The following ATXN8OS variants were observed in gnomAD, a reference collection of about 807,000 sequenced individuals.
The protein encoded by ATXN8OS is ATXN8 opposite strand lncRNA.
rs140810340 is a variant in ATXN8OS at position 70,158,375 on chromosome 13, G to C, written n.573+10947G>C. ...GGAGCTTGCAATGAGCCAAGATTAC[G>C]CCACTGCACTCCAGCCTGGGCGACA... On this transcript the variant is annotated intron_variant and non_coding_transcript_variant, in intron 4 of 4. Coordinates refer to ENST00000678624, the Ensembl canonical transcript of ATXN8OS. Among the ~76,000 whole-genome samples, 1,232 of 152,264 alleles carry C rather than the reference G, an allele frequency of 8.1e-3. 15 individuals carry two copies. Among genetic ancestry groups the C allele is most frequent in the African/African-American group, 0.027 (1,112 of 41,558 alleles).
rs182053590 is a variant in ATXN8OS, at chr13:70,123,213, T to C, written n.399-6571T>C. On this transcript the variant is annotated intron_variant and non_coding_transcript_variant, in intron 2 of 4. Coordinates refer to ENST00000678624, the Ensembl canonical transcript of ATXN8OS. ...TATTACTGAAGTTTAAATATTGAAATAATTTACTGATGCCCATAAGTTGTA... is the reference window on the plus strand; with the variant it reads ...TATTACTGAAGTTTAAATATTGAAACAATTTACTGATGCCCATAAGTTGTA... Among the ~76,000 whole-genome samples the C allele has an allele frequency of 2.7e-4, 41 of 152,222 alleles. 1 individual carries two copies. Among genetic ancestry groups the C allele is most frequent in the Admixed American group, 2.2e-3 (33 of 15,264 alleles).
At chr13:70,147,389 T>A (rs1018772439) in exon 4 of ATXN8OS, among the ~76,000 whole-genome samples, 6 of 152,128 alleles carry the variant, frequency 3.9e-5, no homozygotes, top group African/African-American at 1.4e-4. Context: ...GGAGCTTAAA[T>A]CTGTTGAAAC....
intron 3 of ATXN8OS, chr13:70,131,163 T>A: frequency 2.5e-6 from 1 of 398,490 alleles, no homozygotes; most frequent in Non-Finnish European, 4.4e-6. Context: ...AATGGTGTCC[T>A]AAGGAAAGTC....
rs552395302 is a variant in ATXN8OS at position 70,139,407 on chromosome 13, G to A, written n.500-7948G>A. ...TACTGCTGCTGCTGCTGCTGCTGCT[G>A]CTGCTGCTGCTGCTGCTGCTGCATT... is the stretch of plus-strand genomic sequence containing the variant. On this transcript the variant is annotated intron_variant and non_coding_transcript_variant, in intron 3 of 4. Transcript: ENST00000678624. The A allele has an allele frequency of 9.7e-5, 75 of 774,148 alleles. 1 individual carries two copies. Among genetic ancestry groups the A allele is most frequent in the African/African-American group, 4.3e-4 (25 of 57,598 alleles). 48.0% of individuals were successfully genotyped at this position (774,148 alleles called of 1,614,324 possible).
chr13:70,160,165 A>T (rs1259494565), intron 4 of ATXN8OS, among the ~76,000 whole-genome samples: 1 of 129,290 alleles, frequency 7.7e-6, no homozygotes, highest in Non-Finnish European at 1.9e-5. Context: ...ATTTTTGTTG[A>T]CTTTTTGTGA....
chr13:70,124,934 G>GT (rs4053601), intron 2 of ATXN8OS, among the ~76,000 whole-genome samples: 70 of 141,432 alleles, frequency 4.9e-4, no homozygotes, highest in Middle Eastern at 3.6e-3. Context: ...TAATTTGAGG[G>GT]TTTTTTTTTT....
intron 4 of ATXN8OS, among the ~76,000 whole-genome samples, chr13:70,152,551 A>G (rs2137499884): frequency 6.6e-6 from 1 of 152,106 alleles, no homozygotes; most frequent in Non-Finnish European, 1.5e-5. Flanking sequence ...TTGCTCCTAT[A>G]GCACCATTGA....
intron 4 of ATXN8OS, among the ~76,000 whole-genome samples, chr13:70,166,013 C>CT (rs2137507507): frequency 6.6e-6 from 1 of 152,102 alleles, no homozygotes; most frequent in South Asian, 2.1e-4. Context: ...ATTTCATTCT[C>CT]TATTTCAACT....
At chr13:70,135,365 A>G (rs1490778668) in intron 3 of ATXN8OS, among the ~76,000 whole-genome samples, 1 of 151,958 alleles carries the variant, frequency 6.6e-6, no homozygotes, top group Non-Finnish European at 1.5e-5. Flanking sequence ...TATTTCATTG[A>G]CCACATGGTT....
chr13:70,161,773 G>A (rs199861990), intron 4 of ATXN8OS, among the ~76,000 whole-genome samples: 1 of 151,134 alleles, frequency 6.6e-6, no homozygotes, highest in Non-Finnish European at 1.5e-5. Context: ...GAAAAAAAAT[G>A]AAAAAAAATC....
chr13:70,114,538 G>A (rs1217219144), intron 1 of ATXN8OS, among the ~76,000 whole-genome samples: 1 of 152,060 alleles, frequency 6.6e-6, no homozygotes, highest in Non-Finnish European at 1.5e-5. Flanking sequence ...AAGGAATGAT[G>A]AGTTTTCAGA....
chr13:70,146,873 C>T (rs149213729), intron 3 of ATXN8OS, among the ~76,000 whole-genome samples: 4 of 152,094 alleles, frequency 2.6e-5, no homozygotes, highest in Non-Finnish European at 4.4e-5. Flanking sequence ...ATGTAACTAA[C>T]GTGCACATTG....
chr13:70,118,659 T>C lies in ATXN8OS; in HGVS notation n.398+3361T>C, dbSNP rs140101855. On this transcript the variant is annotated intron_variant and non_coding_transcript_variant, in intron 2 of 4. Transcript: ENST00000678624. ...GTAAGCTAACTTTTCTACACTTATG[T>C]TATTTTTATGACTATCACAGAATGC... Among the ~76,000 whole-genome samples the C allele has an allele frequency of 8.5e-4, 130 of 152,242 alleles. 1 individual carries two copies. The highest frequency in any genetic ancestry group is 3.0e-3 in the African/African-American group (124 of 41,558).
chr13:70,159,626 C>T (rs570478270), intron 4 of ATXN8OS, among the ~76,000 whole-genome samples: 43 of 152,182 alleles, frequency 2.8e-4, no homozygotes, highest in African/African-American at 9.6e-4. Flanking sequence ...TGTATAACCA[C>T]CACCACAATC....
intron 3 of ATXN8OS, among the ~76,000 whole-genome samples, chr13:70,141,878 A>G (rs1179253861): frequency 1.3e-5 from 2 of 151,978 alleles, no homozygotes; most frequent in African/African-American, 2.4e-5. Flanking sequence ...ATATGTATAT[A>G]TAATTTTTTT....
At chr13:70,134,711 T>G (rs921623318) in intron 3 of ATXN8OS, among the ~76,000 whole-genome samples, 1 of 152,330 alleles carries the variant, frequency 6.6e-6, no homozygotes, top group Non-Finnish European at 1.5e-5. Context: ...TTAGCTACAG[T>G]GGCGTGCCTC....
intron 3 of ATXN8OS, among the ~76,000 whole-genome samples, chr13:70,130,284 G>T (rs1396846797): frequency 6.6e-6 from 1 of 151,732 alleles, no homozygotes; most frequent in Non-Finnish European, 1.5e-5. Context: ...GTCAGATGCA[G>T]TTAAAAACAA....
intron 4 of ATXN8OS, among the ~76,000 whole-genome samples, chr13:70,150,173 T>C (rs9599561): frequency 0.18 from 27,839 of 151,914 alleles, 2,759 homozygotes; most frequent in East Asian, 0.25. Context: ...CTATCCTAAA[T>C]TCATATTCAA....
intron 3 of ATXN8OS, among the ~76,000 whole-genome samples, chr13:70,145,846 G>A (rs1178865126): frequency 8.6e-5 from 13 of 151,428 alleles, no homozygotes; most frequent in Admixed American, 5.9e-4. Flanking sequence ...CAGGACATAG[G>A]CATGGGCAAG....
Sources: gnomAD v4.1 joint callset for allele counts (sites outside exome capture counted in the v4.1 genomes callset) on GRCh38, gnomAD v4.1.1 for gene constraint, MANE v1.5 for transcripts, NCBI Gene and HGNC (gene_info 2026-07-23, HGNC 2026-07-21) for gene names.